Variants in RELN observed in about 807,000 individuals in gnomAD.
RELN encodes the protein reelin.
A neutral mutation model predicts 427.6 loss-of-function variants in RELN; 108 were observed. That is an observed-to-expected ratio of 0.25 (90% CI 0.22 to 0.30). The LOEUF (loss-of-function observed/expected upper bound fraction) is 0.30. Among genes scored for constraint, RELN ranks in the 10% least tolerant of loss-of-function variants. The probability of loss-of-function intolerance (pLI) is 1.00; values close to 1 mark genes in which losing one functional copy is unlikely to be tolerated. For synonymous variants in RELN, 1,524 were observed against 1,513.4 expected, an observed-to-expected ratio of 1.01 and a Z score of -0.16; for missense variants, 3,715 against 4,302.8, an observed-to-expected ratio of 0.86 and a Z score of 3.82.
At chr7:103,668,627 CT>C (rs1159652044) in intron 11 of RELN, among the ~76,000 whole-genome samples, 1 of 152,158 alleles carries the variant, frequency 6.6e-6, no homozygotes, top group Non-Finnish European at 1.5e-5. Context: ...TTAGAAAATT[CT>C]TTTAAAAAAA....
At chr7:103,494,261 G>A (rs1490338215) in intron 57 of RELN, among the ~76,000 whole-genome samples, 1 of 152,074 alleles carries the variant, frequency 6.6e-6, no homozygotes, top group Non-Finnish European at 1.5e-5. Context: ...CTGCTAGTAA[G>A]GATTTTTACT....
At chr7:103,594,684 T>C (rs1206907562) in intron 25 of RELN, among the ~76,000 whole-genome samples, 192 bp from the exon 26 acceptor site, 3 of 152,224 alleles carry the variant, frequency 2.0e-5, no homozygotes, top group African/African-American at 7.2e-5. Context: ...GTCCTGGTCA[T>C]GTTTATTTCA....
At chr7:103,497,723 C>A in intron 55 of RELN, 97 bp downstream of exon 55, 4 of 977,206 alleles carry the variant, frequency 4.1e-6, no homozygotes, top group African/African-American at 3.2e-5. Flanking sequence ...ACAATTCAAA[C>A]TGTGAAGTCA....
chr7:103,664,762 G>C (rs999895320), intron 11 of RELN, among the ~76,000 whole-genome samples: 175 of 152,142 alleles, frequency 1.2e-3, no homozygotes, highest in African/African-American at 4.0e-3. Context: ...TGGCCAGTTG[G>C]GGTCACTCTT....
In RELN at chr7:103,753,227, A is replaced by G. The variant is rs374325507; in HGVS notation, c.545-13T>C. 7 of 1,613,862 alleles carry G rather than the reference A, an allele frequency of 4.3e-6. No individual in the cohort carries two copies. The African/African-American group carries it at 9.3e-5, about 22-fold the overall frequency. ...ACATCTGTTGGAGCTGAATCAAGAG[A>G]GGAAAGAAGAAAGACAACTGATCAG... is the stretch of plus-strand genomic sequence containing the variant. On this transcript the variant is annotated splice_polypyrimidine_tract_variant and intron_variant, in intron 4 of 64. Transcript: ENST00000428762.
intron 64 of RELN, 56 bp from the exon 65 acceptor site, chr7:103,472,964 T>C: frequency 7.4e-7 from 1 of 1,345,286 alleles, no homozygotes; most frequent in Non-Finnish European, 1.1e-6. Context: ...AGCATGTAAG[T>C]CCCATCATTG....
At position 103,499,235 on chromosome 7, in the gene RELN, C is replaced by CTGAG. The variant is rs527789382; in HGVS notation, c.8668-987_8668-984dup. Among the ~76,000 whole-genome samples, 33 of 152,324 alleles carry CTGAG rather than the reference C, an allele frequency of 2.2e-4. No individual in the cohort carries two copies. In the East Asian group the frequency reaches 6.4e-3, roughly 29 times the overall value. On this transcript the variant is annotated intron_variant, in intron 53 of 64. Transcript: ENST00000428762. ...AAAATCTAGAATACAATATTTTCCC[C>CTGAG]TGAGTCTCCAGTTTATCCTTTTAAC...
At position 103,489,730 on chromosome 7, in the gene RELN, T is replaced by C. The variant is rs987850406; in HGVS notation, c.9763+12A>G. The C allele has an allele frequency of 6.2e-7, 1 of 1,613,672 alleles. No individual in the cohort carries two copies. The highest frequency in any genetic ancestry group is 1.3e-5 in the African/African-American group (1 of 74,938). ...GTCTCCTCTATCAAAGTTGGCAGCC[T>C]GGGATTCAGACCTTGGAAGCTCTCG... On this transcript the variant is annotated intron_variant, in intron 60 of 64. Transcript: ENST00000428762.
rs1482310315 is a variant in RELN, at chr7:103,603,296, G to A, written c.3333+8C>T. ...GCCCCGATGACTTATCCCAGCTGTT[G>A]GTCATACCTTGCTGAAGTACAGAGA... On this transcript the variant is annotated splice_region_variant and intron_variant, in intron 24 of 64. Transcript: ENST00000428762. The surrounding 1 kb of genome is among the most constrained non-coding windows in gnomAD (Gnocchi z 4.3). 24 of 1,610,042 alleles carry A rather than the reference G, an allele frequency of 1.5e-5. No homozygotes were observed. Among genetic ancestry groups the A allele is most frequent in the Non-Finnish European group, 2.0e-5 (24 of 1,176,508 alleles).
chr7:103,773,100 T>TTCCTTCCTTCCTTTCTTTC (rs1791611584), intron 4 of RELN, among the ~76,000 whole-genome samples: 22 of 128,588 alleles, frequency 1.7e-4, no homozygotes, highest in African/African-American at 6.1e-4. Flanking sequence ...GGTTCTCCTC[T>TTCCTTCCTTCCTTTCTTTC]TTTCTTTCTT....
chr7:103,979,509 T>C (rs1248246699), intron 1 of RELN, among the ~76,000 whole-genome samples: 2 of 152,230 alleles, frequency 1.3e-5, no homozygotes, highest in Non-Finnish European at 2.9e-5. Context: ...CAACAGAAAG[T>C]GATTTTTGAA....
chr7:103,593,959 CATG>C, intron 26 of RELN, 77 bp from the exon 27 acceptor site: 1 of 1,059,302 alleles, frequency 9.4e-7, no homozygotes, highest in African/African-American at 1.6e-5. Context: ...CATTTCATGA[CATG>C]CTGGGCCATG....
intron 63 of RELN, among the ~76,000 whole-genome samples, chr7:103,479,667 G>A (rs1828161817): frequency 2.0e-5 from 3 of 152,066 alleles, no homozygotes; most frequent in Admixed American, 2.0e-4. Flanking sequence ...CCATATTTAT[G>A]AAAATCAAAT....
At chr7:103,726,260 A>G (rs964399297) in intron 7 of RELN, among the ~76,000 whole-genome samples, 3 of 152,204 alleles carry the variant, frequency 2.0e-5, no homozygotes, top group Admixed American at 2.0e-4. Context: ...TACAGTATAA[A>G]AATTATGAAA....
intron 20 of RELN, among the ~76,000 whole-genome samples, chr7:103,613,025 T>C (rs1431174425): frequency 6.6e-6 from 1 of 152,214 alleles, no homozygotes. Context: ...CCACAACTTG[T>C]TTATTATTAT....
At chr7:103,940,894 T>C (rs1796098428) in intron 1 of RELN, among the ~76,000 whole-genome samples, 5 of 152,196 alleles carry the variant, frequency 3.3e-5, no homozygotes, top group Admixed American at 2.6e-4. Context: ...TGTTATGCTT[T>C]TGCCTGCTTT....
At chr7:103,533,144 T>G (rs985217177) in intron 46 of RELN, among the ~76,000 whole-genome samples, 1 of 152,232 alleles carries the variant, frequency 6.6e-6, no homozygotes, top group Non-Finnish European at 1.5e-5. Flanking sequence ...CCAACAATAC[T>G]GGGATCCTAG....
Position 103,989,255 on chromosome 7 carries a change from C to A in RELN, c.102G>T (p.Ser34=), listed in dbSNP as rs771130903. 12 of 1,613,824 alleles carry A rather than the reference C, an allele frequency of 7.4e-6. No homozygotes were observed. The Admixed American group carries it at 1.8e-4, about 25-fold the overall frequency. The change falls in exon 1 of 65, where the codon TCG becomes TCT. Residue 34 remains serine (S), a synonymous_variant. Coordinates refer to ENST00000428762, the MANE Select transcript of RELN (RefSeq NM_005045.4). The surrounding 1 kb of genome is among the most constrained non-coding windows in gnomAD (Gnocchi z 4.9). ...GGTGGGTGCACAGGAAAAAGAAGGGCGAAAAGCGGGGGTAATAGCCAGCCG... is the reference window on the plus strand; with the variant it reads ...GGTGGGTGCACAGGAAAAAGAAGGGAGAAAAGCGGGGGTAATAGCCAGCCG... ...RAAAGYYPRF[S]PFFFLCTHHG...
At chr7:103,811,229 T>C (rs970546090) in intron 3 of RELN, among the ~76,000 whole-genome samples, 1 of 152,164 alleles carries the variant, frequency 6.6e-6, no homozygotes, top group African/African-American at 2.4e-5. Context: ...TGTGGGGCAA[T>C]AGAAGCCAAT....
Sources: gnomAD v4.1 joint callset for allele counts (sites outside exome capture counted in the v4.1 genomes callset) on GRCh38, gnomAD v4.1.1 for gene constraint, Gnocchi (gnomAD v3.1) non-coding constraint, MANE v1.5 for transcripts, NCBI Gene and HGNC (gene_info 2026-07-23, HGNC 2026-07-21) for gene names.